Variants in FBXW8 observed in about 807,000 individuals in gnomAD.
FBXW8 encodes the protein F-box and WD repeat domain containing 8.
FBXW8 carries 57 observed loss-of-function variants against 65.3 expected under a neutral mutation model. The ratio of observed to expected loss-of-function variants is 0.87; its 90% CI spans 0.71 to 1.09. The LOEUF (loss-of-function observed/expected upper bound fraction) is 1.09, where lower values mean the gene tolerates loss of function less well. Among genes scored for constraint, FBXW8 ranks in the 50% least tolerant of loss-of-function variants. The probability of loss-of-function intolerance (pLI) is 0.00; values close to 1 mark genes in which losing one functional copy is unlikely to be tolerated. For synonymous variants in FBXW8, 308 were observed against 330.2 expected (o/e 0.93, Z 0.73); for missense variants, 777 against 814.8 (o/e 0.95, Z 0.57).
At chr12:117,002,688 A>G (rs895107121) in intron 7 of FBXW8, 7 of 152,204 alleles carry the variant, frequency 4.6e-5, no homozygotes, top group African/African-American at 1.7e-4. Context: ...ATTACATCAT[A>G]TCGGAGTAAA....
At chr12:116,967,114 C>T (rs369394947) in intron 5 of FBXW8, among the ~76,000 whole-genome samples, 34 of 151,466 alleles carry the variant, frequency 2.2e-4, no homozygotes, top group Non-Finnish European at 4.4e-4. Context: ...CAGGCCCTCT[C>T]GCATTTTACT....
intron 4 of FBXW8, among the ~76,000 whole-genome samples, chr12:116,960,684 CA>C (rs1461734157): frequency 6.6e-6 from 1 of 152,174 alleles, no homozygotes; most frequent in Non-Finnish European, 1.5e-5. Flanking sequence ...CCCCTCAAGC[CA>C]GTCAGGTTGT....
intron 2 of FBXW8, among the ~76,000 whole-genome samples, chr12:116,932,235 G>T (rs1881825207): frequency 6.6e-6 from 1 of 152,112 alleles, no homozygotes; most frequent in South Asian, 2.1e-4. Flanking sequence ...GGAGACACTG[G>T]AGTATCCATT....
intron 10 of FBXW8, 82 bp downstream of exon 10, chr12:117,027,586 T>G (rs1359359625): frequency 1.9e-6 from 2 of 1,064,934 alleles, no homozygotes; most frequent in Admixed American, 1.9e-5. Context: ...CGTGACACAT[T>G]GCACCCTATG....
rs1386336545 is a variant in FBXW8 at position 117,030,801 on chromosome 12, T to C, written c.*2629T>C. 1 of 152,270 alleles carries C rather than the reference T, an allele frequency of 6.6e-6. No individual in the cohort carries two copies. Among genetic ancestry groups the C allele is most frequent in the African/African-American group, 2.4e-5 (1 of 41,478 alleles). The allele number at this position is 152,270 out of a possible 1,614,324, so 9.4% of individuals were successfully genotyped here. A position where few individuals can be genotyped will look rare whatever the true frequency, so the allele number is the denominator to read the frequency against. On this transcript the variant is annotated 3_prime_UTR_variant, in exon 11 of 11. Transcript: ENST00000652555. ...CACGCCAACTTCAGGCAGTGTTTTC[T>C]ACTGCAAACCTCCACATCCTGGAAT...
chr12:117,025,606 C>T (rs1051238872), intron 9 of FBXW8, among the ~76,000 whole-genome samples: 35 of 152,176 alleles, frequency 2.3e-4, no homozygotes, highest in African/African-American at 7.5e-4. Context: ...ACACTGTGGC[C>T]GGCACATTTT....
In FBXW8 at chr12:117,009,728, T is replaced by G. The variant is rs565455586; in HGVS notation, c.1240-595T>G. Among the ~76,000 whole-genome samples the G allele has an allele frequency of 3.3e-5, 5 of 152,326 alleles. No individual in the cohort carries two copies. In the South Asian group the frequency reaches 1.0e-3, roughly 32 times the overall value. ...AAATCAGGGGTACCTTCTTATTTAC[T>G]TTCATACCCTATGGAACACAGCATC... On this transcript the variant is annotated intron_variant, in intron 7 of 10. Transcript: ENST00000652555.
At chr12:116,986,646 AAAC>A (rs1003840335) in intron 6 of FBXW8, 3 of 151,650 alleles carry the variant, frequency 2.0e-5, no homozygotes, top group African/African-American at 7.3e-5. Flanking sequence ...AAAGACAAAA[AAAC>A]AACAAAAAAA....
At chr12:117,006,239 C>T (rs1460777619) in intron 7 of FBXW8, among the ~76,000 whole-genome samples, 2 of 152,276 alleles carry the variant, frequency 1.3e-5, no homozygotes, top group African/African-American at 4.8e-5. Flanking sequence ...CAGTATAGGA[C>T]CAAAATTCTG....
At chr12:117,015,328 T>C (rs548085138) in intron 8 of FBXW8, among the ~76,000 whole-genome samples, 1 of 152,268 alleles carries the variant, frequency 6.6e-6, no homozygotes, top group African/African-American at 2.4e-5. Context: ...TTGTGTTTTG[T>C]CCATAGGTTT....
chr12:116,944,976 A>G (rs1056357515), intron 2 of FBXW8, among the ~76,000 whole-genome samples: 4 of 152,214 alleles, frequency 2.6e-5, no homozygotes, highest in Admixed American at 1.3e-4. Context: ...CAATTCTGTA[A>G]GGTGGAAATA....
chr12:116,929,359 C>T (rs192151958), intron 2 of FBXW8, among the ~76,000 whole-genome samples: 30 of 152,210 alleles, frequency 2.0e-4, no homozygotes, highest in African/African-American at 7.2e-4. Context: ...CTCAGCCACC[C>T]GCATAGCTGG....
At chr12:116,928,162 T>C in intron 2 of FBXW8, 35 bp downstream of exon 2, 1 of 1,326,678 alleles carries the variant, frequency 7.5e-7, no homozygotes, top group Admixed American at 1.7e-5. Flanking sequence ...CAGATTTTCC[T>C]AAATGTGTGA....
chr12:116,927,324 A>G (rs181103845), intron 1 of FBXW8, among the ~76,000 whole-genome samples: 2 of 152,284 alleles, frequency 1.3e-5, no homozygotes, highest in Admixed American at 1.3e-4. Flanking sequence ...ATTTCTCTGC[A>G]TTAATAAATG....
At chr12:116,986,732 C>A (rs1215942140) in intron 6 of FBXW8, 5 of 152,232 alleles carry the variant, frequency 3.3e-5, no homozygotes. Flanking sequence ...CTGTAAAGTG[C>A]AAATCCTGCC....
chr12:117,008,745 C>T (rs371238444), intron 7 of FBXW8, among the ~76,000 whole-genome samples: 5 of 151,982 alleles, frequency 3.3e-5, no homozygotes, highest in African/African-American at 1.2e-4. Flanking sequence ...CAAGAAGAAA[C>T]GCACATCACT....
intron 2 of FBXW8, among the ~76,000 whole-genome samples, chr12:116,941,366 A>G (rs1359762976): frequency 6.6e-6 from 1 of 152,216 alleles, no homozygotes; most frequent in East Asian, 1.9e-4. Flanking sequence ...CAGAAAAATG[A>G]CAGCTTTGTC....
chr12:116,977,056 G>T (rs949968367), intron 5 of FBXW8, among the ~76,000 whole-genome samples: 5 of 152,196 alleles, frequency 3.3e-5, no homozygotes, highest in Admixed American at 2.0e-4. Context: ...CCATCTATTT[G>T]TTGGGGGGAT....
intron 4 of FBXW8, chr12:116,951,221 C>T (rs1176347301): frequency 6.6e-6 from 1 of 152,188 alleles, no homozygotes. Context: ...CTCCTGGTGG[C>T]TCCTCTTTCT....
Sources: allele counts gnomAD v4.1 joint callset (sites outside exome capture counted in the v4.1 genomes callset), GRCh38; gene constraint gnomAD v4.1.1; transcripts MANE v1.5; gene names NCBI Gene and HGNC (gene_info 2026-07-23, HGNC 2026-07-21).